Variants in ADAMTS16 observed in about 807,000 individuals in gnomAD.
ADAMTS16 encodes ADAM metallopeptidase with thrombospondin type 1 motif 16, also known as A disintegrin and metalloproteinase with thrombospondin motifs 16.
In ADAMTS16, 94 loss-of-function variants were observed where a neutral mutation model predicts 145.8. The observed-to-expected ratio is 0.64, with a 90% CI of 0.55 to 0.77. The LOEUF (loss-of-function observed/expected upper bound fraction) is 0.77. Ranked by LOEUF, ADAMTS16 falls within the 30% of genes least tolerant of loss-of-function variation. ADAMTS16 has a pLI of 0.00. For synonymous variants in ADAMTS16, 659 were observed against 604.3 expected, an observed-to-expected ratio of 1.09 and a Z score of -1.33; for missense variants, 1,585 against 1,591.5, an observed-to-expected ratio of 1.00 and a Z score of 0.07.
chr5:5,164,475 C>T (rs1734814152), intron 3 of ADAMTS16, among the ~76,000 whole-genome samples: 1 of 152,204 alleles, frequency 6.6e-6, no homozygotes, highest in Non-Finnish European at 1.5e-5. Flanking sequence ...GCCCTTCAGT[C>T]AGCCTTCTGA....
At chr5:5,154,904 T>C (rs1301888373) in intron 3 of ADAMTS16, among the ~76,000 whole-genome samples, 2 of 152,078 alleles carry the variant, frequency 1.3e-5, no homozygotes, top group African/African-American at 4.8e-5. Flanking sequence ...CAGAAGATGA[T>C]CCCTGTGGCC....
chr5:5,192,436 C>T (rs754165273), intron 8 of ADAMTS16, among the ~76,000 whole-genome samples: 7 of 152,072 alleles, frequency 4.6e-5, no homozygotes, highest in Non-Finnish European at 8.8e-5. Flanking sequence ...GTTACCCTCG[C>T]GTTTGTGTTC....
chr5:5,270,151 G>C (rs1345691762), intron 18 of ADAMTS16, among the ~76,000 whole-genome samples: 1 of 152,164 alleles, frequency 6.6e-6, no homozygotes, highest in Non-Finnish European at 1.5e-5. Flanking sequence ...GGAGAACCAA[G>C]TGGATCTCCC....
chr5:5,257,609 G>A (rs1284783332), intron 17 of ADAMTS16, among the ~76,000 whole-genome samples: 1 of 152,238 alleles, frequency 6.6e-6, no homozygotes, highest in African/African-American at 2.4e-5. Context: ...GGGCAAATGT[G>A]CATAAAGCTG....
At chr5:5,196,987 G>A (rs577682249) in intron 8 of ADAMTS16, among the ~76,000 whole-genome samples, 34 of 152,280 alleles carry the variant, frequency 2.2e-4, no homozygotes, top group Admixed American at 1.2e-3. Flanking sequence ...CGCAACTGCT[G>A]TCTTCAGCTC....
chr5:5,264,900 G>A (rs1368880346), intron 18 of ADAMTS16, among the ~76,000 whole-genome samples: 2 of 152,206 alleles, frequency 1.3e-5, no homozygotes, highest in African/African-American at 4.8e-5. Flanking sequence ...ACACGACGAT[G>A]CTCCATGGCC....
intron 17 of ADAMTS16, among the ~76,000 whole-genome samples, chr5:5,253,154 A>G (rs142644457): frequency 3.3e-5 from 5 of 152,290 alleles, no homozygotes; most frequent in African/African-American, 1.2e-4. Flanking sequence ...TAGAAAGTTT[A>G]TTTTGCCAAG....
chr5:5,206,933 C>T (rs954190917), intron 9 of ADAMTS16, among the ~76,000 whole-genome samples: 1 of 152,202 alleles, frequency 6.6e-6, no homozygotes, highest in Non-Finnish European at 1.5e-5. Flanking sequence ...TACTGTTCCA[C>T]TGATCTATTT....
intron 8 of ADAMTS16, among the ~76,000 whole-genome samples, chr5:5,194,912 A>C (rs1735761480): frequency 6.6e-6 from 1 of 152,194 alleles, no homozygotes; most frequent in Non-Finnish European, 1.5e-5. Context: ...TTACTTTTTC[A>C]GTTCTGTTTA....
chr5:5,140,443 C>T lies in ADAMTS16; in HGVS notation c.-25C>T. The T allele has an allele frequency of 6.7e-7, 1 of 1,501,958 alleles. No homozygotes were observed. The highest frequency in any genetic ancestry group is 8.8e-7 in the Non-Finnish European group (1 of 1,133,650). 93.0% of individuals were successfully genotyped at this position (1,501,958 alleles called of 1,614,324 possible). On this transcript the variant is annotated 5_prime_UTR_variant, in exon 1 of 23. Transcript: ENST00000274181. ...TGCCGGCCGGGGACCCTCCGGTGGC[C>T]CCTAGCCCCTCGGAGCGCTCCTGGA...
chr5:5,295,864 T>TCTTC lies in ADAMTS16; in HGVS notation c.2790-7403_2790-7402insTTCC, dbSNP rs1169653230. 2.6e-5 allele frequency among the ~76,000 whole-genome samples: 4 copies of TCTTC among 152,334 alleles called. No individual in the cohort carries two copies. The East Asian group carries it at 7.7e-4, about 29-fold the overall frequency. ...GGAAAACCACTTGTGTGCTTCCATG[T>TCTTC]CAGGGTAGCAGAAGAATGTTTGTAA... On this transcript the variant is annotated intron_variant, in intron 18 of 22. Coordinates refer to ENST00000274181, the MANE Select transcript of ADAMTS16 (RefSeq NM_139056.4).
rs1739887422 is a variant in ADAMTS16, at chr5:5,303,575, TCA to T, written c.3001_3002del (p.Thr1001LeufsTer13). ...TTATCCTGACTGTTCTGTGCAGTGCTCACACACCTGTGGGAAGGGGTGGAGGA... is the reference window on the plus strand; with the variant it reads ...TTATCCTGACTGTTCTGTGCAGTGCTCACACCTGTGGGAAGGGGTGGAGGA... ...AWSAGPWAEC[S>X]HTCGKGWRKR... On this transcript the variant is annotated frameshift_variant, in exon 20 of 23. Coordinates refer to ENST00000274181, the MANE Select transcript of ADAMTS16 (RefSeq NM_139056.4). LOFTEE classifies it high-confidence loss of function. 1 of 1,614,084 alleles carries T rather than the reference TCA, an allele frequency of 6.2e-7. No individual in the cohort carries two copies. The highest frequency in any genetic ancestry group is 8.5e-7 in the Non-Finnish European group (1 of 1,180,000).
chr5:5,151,678 TTGTGTGTGTGTGTGTGTG>T lies in ADAMTS16; in HGVS notation c.501+5253_501+5270del, dbSNP rs60381485. On this transcript the variant is annotated intron_variant, in intron 3 of 22. Transcript: ENST00000274181. ...TATCCATTATTTCCCATAGTTCCCT[TTGTGTGTGTGTGTGTGTG>T]TGTGTGTGTGTGTGTGTGTGTGTGT... 2.7e-4 allele frequency among the ~76,000 whole-genome samples: 38 copies of T among 139,676 alleles called. No homozygotes were observed. The South Asian group carries it at 3.0e-3, about 11-fold the overall frequency. The allele number at this position is 139,676 out of a possible 152,430, so 91.6% of individuals were successfully genotyped here.
intron 11 of ADAMTS16, among the ~76,000 whole-genome samples, chr5:5,232,153 A>G (rs915584016): frequency 6.7e-6 from 1 of 149,486 alleles, no homozygotes; most frequent in Non-Finnish European, 1.5e-5. Context: ...TTTTCCCTGT[A>G]TGTGAATTTA....
chr5:5,160,744 CT>C (rs1360080788), intron 3 of ADAMTS16, among the ~76,000 whole-genome samples: 6 of 128,558 alleles, frequency 4.7e-5, no homozygotes, highest in Non-Finnish European at 6.4e-5. Context: ...ACTTTACAAA[CT>C]TAAAAATATA....
At chr5:5,304,578 A>C (rs181121013) in intron 20 of ADAMTS16, among the ~76,000 whole-genome samples, 2 of 152,202 alleles carry the variant, frequency 1.3e-5, no homozygotes, top group Non-Finnish European at 2.9e-5. Flanking sequence ...CTCCTCAGGG[A>C]GGGACCCGGA....
Position 5,146,229 on chromosome 5 carries a change from C to T in ADAMTS16, c.275C>T (p.Ser92Phe). Residue 92 changes from serine (S) to phenylalanine (F), a missense_variant, in exon 3 of 23, where the codon TCC becomes TTC. This residue lies in a region of ADAMTS16 where 453 missense variants were observed against 412.1 expected (regional missense o/e 1.10). Transcript: ENST00000274181. ...CGGCGGAGAAGAGCAGTGCCCGTGT[C>T]CGAGGTTGAGTCTCTTCACCTTCGG... ...HQRRRRAVPV[S>F]EVESLHLRLK... is the part of the protein sequence containing the mutation. The T allele has an allele frequency of 6.2e-7, 1 of 1,614,148 alleles. No homozygotes were observed. The highest frequency in any genetic ancestry group is 8.5e-7 in the Non-Finnish European group (1 of 1,180,032).
At chr5:5,293,116 A>T (rs1330385430) in intron 18 of ADAMTS16, among the ~76,000 whole-genome samples, 3 of 152,238 alleles carry the variant, frequency 2.0e-5, no homozygotes, top group Non-Finnish European at 2.9e-5. Flanking sequence ...GCCTGGGTGC[A>T]GGTGTCAGGA....
At chr5:5,162,438 G>A (rs1347066309) in intron 3 of ADAMTS16, among the ~76,000 whole-genome samples, 1 of 152,164 alleles carries the variant, frequency 6.6e-6, no homozygotes, top group Non-Finnish European at 1.5e-5. Flanking sequence ...ATTTGACCAG[G>A]CATCCGTTAT....
Sources: allele counts gnomAD v4.1 joint callset (sites outside exome capture counted in the v4.1 genomes callset), GRCh38; gene constraint gnomAD v4.1.1; regional missense constraint gnomAD v4.1.1; transcripts MANE v1.5; gene names NCBI Gene and HGNC (gene_info 2026-07-23, HGNC 2026-07-21).